Variants in XPO7 observed in about 807,000 individuals in gnomAD.
The protein encoded by XPO7 is exportin 7.
XPO7 carries 21 observed loss-of-function variants against 144.3 expected under a neutral mutation model. The ratio of observed to expected loss-of-function variants is 0.15; its 90% CI spans 0.10 to 0.21. The LOEUF (loss-of-function observed/expected upper bound fraction) is 0.21, where lower values mean the gene tolerates loss of function less well. Ranked by LOEUF, XPO7 falls within the 10% of genes least tolerant of loss-of-function variation. The pLI is 1.00. For missense variants in XPO7, 808 were observed against 1,325.8 expected, an observed-to-expected ratio of 0.61 and a Z score of 6.06; for synonymous variants, 580 against 499.6, an observed-to-expected ratio of 1.16 and a Z score of -2.15.
intron 18 of XPO7, 144 bp downstream of exon 18, chr8:21,991,063 C>G: frequency 1.4e-6 from 1 of 736,712 alleles, no homozygotes; most frequent in Admixed American, 2.4e-5. Flanking sequence ...CCTGATTTCA[C>G]CAAGAACAGA....
chr8:21,992,023 G>A (rs913302215), intron 19 of XPO7, 49 bp downstream of exon 19: 1 of 1,474,718 alleles, frequency 6.8e-7, no homozygotes, highest in Non-Finnish European at 9.3e-7. Context: ...GTTTAGGGCA[G>A]TCTCTGATTG....
intron 8 of XPO7, 111 bp downstream of exon 8, chr8:21,977,954 A>G (rs733543): frequency 0.4 from 366,267 of 913,388 alleles, 76,074 homozygotes; most frequent in Non-Finnish European, 0.44. Context: ...AAGCATAGAA[A>G]TACTAGGCTA....
In XPO7 at chr8:21,970,315, A is replaced by G. The variant is rs1812013437; in HGVS notation, c.426+5A>G. ...GACGTCACAAGGTTTTTACAGGTAC[A>G]GTGTATATATTTGATGTAATGGGAA... On this transcript the variant is annotated splice_donor_5th_base_variant and intron_variant, in intron 4 of 27. Coordinates refer to ENST00000252512, the MANE Select transcript of XPO7 (RefSeq NM_015024.5). 1.9e-6 allele frequency: 3 copies of G among 1,612,554 alleles called. No homozygotes were observed. Among genetic ancestry groups the G allele is most frequent in the Non-Finnish European group, 2.5e-6 (3 of 1,179,314 alleles).
At chr8:21,980,685 G>A (rs1812376719) in intron 9 of XPO7, among the ~76,000 whole-genome samples, 1 of 151,424 alleles carries the variant, frequency 6.6e-6, no homozygotes, top group Non-Finnish European at 1.5e-5. Flanking sequence ...TGAGGCAGGA[G>A]AATCGCTTGA....
rs931367841 is a variant in XPO7 at position 21,990,335 on chromosome 8, T to C, written c.1869-9T>C. The C allele has an allele frequency of 2.5e-6, 4 of 1,612,982 alleles. No homozygotes were observed. The highest frequency in any genetic ancestry group is 3.4e-6 in the Non-Finnish European group (4 of 1,179,016). ...CACACTTTCCTTGACCTTCTTCCTT[T>C]GTCTTCACGTACAGTAGCGTAAGGA... On this transcript the variant is annotated splice_polypyrimidine_tract_variant and intron_variant, in intron 16 of 27. Coordinates refer to ENST00000252512, the MANE Select transcript of XPO7 (RefSeq NM_015024.5).
intron 1 of XPO7, among the ~76,000 whole-genome samples, chr8:21,948,707 A>C (rs747442558): frequency 2.0e-5 from 3 of 152,120 alleles, no homozygotes; most frequent in Non-Finnish European, 2.9e-5. Context: ...TTTTTTATTC[A>C]TCCTTCACCA....
chr8:21,922,988 T>G (rs1023364439), intron 1 of XPO7, among the ~76,000 whole-genome samples: 2 of 152,190 alleles, frequency 1.3e-5, no homozygotes, highest in African/African-American at 4.8e-5. Context: ...AGGTTAAATT[T>G]TAGCAGGGTG....
intron 1 of XPO7, among the ~76,000 whole-genome samples, chr8:21,959,080 A>G (rs1811636360): frequency 6.6e-6 from 1 of 152,118 alleles, no homozygotes; most frequent in African/African-American, 2.4e-5. Flanking sequence ...CTGCAGAAGC[A>G]CCCTGAGCGA....
intron 1 of XPO7, among the ~76,000 whole-genome samples, chr8:21,930,753 A>G (rs1289709585): frequency 1.3e-5 from 2 of 152,230 alleles, no homozygotes; most frequent in African/African-American, 2.4e-5. Context: ...TACTGCAACA[A>G]TGTTATAGGA....
intron 4 of XPO7, among the ~76,000 whole-genome samples, chr8:21,970,752 T>TCAA (rs1211948992): frequency 1.3e-5 from 2 of 152,186 alleles, no homozygotes; most frequent in Non-Finnish European, 2.9e-5. Flanking sequence ...GATGTTTTCG[T>TCAA]CAACAGTAGA....
chr8:21,996,189 C>T (rs1008379935), intron 21 of XPO7, among the ~76,000 whole-genome samples: 1 of 152,032 alleles, frequency 6.6e-6, no homozygotes, highest in African/African-American at 2.4e-5. Context: ...CTTGGGAGGC[C>T]GAAGTGGGCA....
chr8:21,938,083 G>A (rs1810877670), intron 1 of XPO7, among the ~76,000 whole-genome samples: 1 of 151,916 alleles, frequency 6.6e-6, no homozygotes, highest in African/African-American at 2.4e-5. Flanking sequence ...TGATTTTAAT[G>A]TAACAGATAT....
chr8:21,978,198 C>G (rs1369534194), intron 8 of XPO7, among the ~76,000 whole-genome samples: 1 of 152,262 alleles, frequency 6.6e-6, no homozygotes, highest in East Asian at 1.9e-4. Flanking sequence ...CAGAAAACCC[C>G]TTAGGTGTAC....
rs779572958 is a variant in XPO7 at position 21,990,380 on chromosome 8, G to A, written c.1905G>A (p.Ala635=). The change falls in exon 17 of 28, where the codon GCG becomes GCA. Residue 635 remains alanine, a synonymous_variant. Transcript: ENST00000252512. ...TAAGGAAGCTAGTGAAGCTTAGTGCGGTACAGTTCATGCTGAACAATCACA... is the reference window on the plus strand; with the variant it reads ...TAAGGAAGCTAGTGAAGCTTAGTGCAGTACAGTTCATGCTGAACAATCACA... ...SSVRKLVKLS[A]VQFMLNNHTS... is the part of the protein sequence containing the mutation. 1.7e-5 allele frequency: 28 copies of A among 1,613,618 alleles called. No individual in the cohort carries two copies. In the Admixed American group the frequency reaches 2.5e-4, roughly 14 times the overall value.
chr8:21,999,247 A>G lies in XPO7; in HGVS notation c.2585A>G (p.Asp862Gly), dbSNP rs754441001. ...CGTCTCTATGGAGACGATGCCCTGG[A>G]CAATGCTCTGCAGACCTTCATCAAG... ...VFRLYGDDAL[D>G]NALQTFIKLL... The change falls in exon 23 of 28, where the codon GAC (aspartate) becomes GGC (glycine). Residue 862 changes from aspartate (D) to glycine (G), a missense_variant. Coordinates refer to ENST00000252512, the MANE Select transcript of XPO7 (RefSeq NM_015024.5). 1 of 1,613,706 alleles carries G rather than the reference A, an allele frequency of 6.2e-7. No homozygotes were observed. Among genetic ancestry groups the G allele is most frequent in the Non-Finnish European group, 8.5e-7 (1 of 1,179,848 alleles).
Position 21,974,651 on chromosome 8 carries a change from T to G in XPO7, c.493-19T>G. 1 of 1,533,564 alleles carries G rather than the reference T, an allele frequency of 6.5e-7. No homozygotes were observed. Among genetic ancestry groups the G allele is most frequent in the South Asian group, 1.3e-5 (1 of 79,244 alleles). The allele number at this position is 1,533,564 out of a possible 1,614,324, so 95.0% of individuals were successfully genotyped here. ...TTTGCAATTAATTCTTTGCATTGGTTTCTTCTTTTTCTGCACAGGCAGACA... is the reference window on the plus strand; with the variant it reads ...TTTGCAATTAATTCTTTGCATTGGTGTCTTCTTTTTCTGCACAGGCAGACA... On this transcript the variant is annotated intron_variant, in intron 5 of 27. Coordinates refer to ENST00000252512, the MANE Select transcript of XPO7 (RefSeq NM_015024.5).
At position 21,921,256 on chromosome 8, in the gene XPO7, G is replaced by A. The variant is rs567901966; in HGVS notation, c.18+1468G>A. Among the ~76,000 whole-genome samples, 3 of 152,266 alleles carry A rather than the reference G, an allele frequency of 2.0e-5. No individual in the cohort carries two copies. In the East Asian group the frequency reaches 5.8e-4, roughly 29 times the overall value. ...AAATTCTTGGATCTTACAAGACTCA[G>A]GCAGGAATTACTTCTGTCATTTAAA... On this transcript the variant is annotated intron_variant, in intron 1 of 27. Coordinates refer to ENST00000252512, the MANE Select transcript of XPO7 (RefSeq NM_015024.5).
chr8:21,981,433 C>T (rs890471992), intron 9 of XPO7, among the ~76,000 whole-genome samples: 1 of 152,160 alleles, frequency 6.6e-6, no homozygotes, highest in African/African-American at 2.4e-5. Flanking sequence ...GCTTTACAGC[C>T]TCAGTGTGAT....
intron 1 of XPO7, among the ~76,000 whole-genome samples, chr8:21,954,516 C>T (rs1018070410): frequency 3.3e-5 from 5 of 152,210 alleles, no homozygotes; most frequent in Non-Finnish European, 7.4e-5. Context: ...GACCTGTAAT[C>T]CCAGCTACTC....
Sources: gnomAD v4.1 joint callset for allele counts (sites outside exome capture counted in the v4.1 genomes callset) on GRCh38, gnomAD v4.1.1 for gene constraint, MANE v1.5 for transcripts, NCBI Gene and HGNC (gene_info 2026-07-23, HGNC 2026-07-21) for gene names.